The following PKHD1L1 variants were observed in gnomAD, a reference collection of about 807,000 sequenced individuals.
The protein encoded by PKHD1L1 is PKHD1 like 1, also known as fibrocystin-L.
PKHD1L1 carries 434 observed loss-of-function variants against 462.9 expected under a neutral mutation model. That is an observed-to-expected ratio of 0.94 (90% CI 0.87 to 1.02). PKHD1L1 has a LOEUF of 1.02. Ranked by LOEUF, PKHD1L1 falls within the 50% of genes least tolerant of loss-of-function variation. PKHD1L1 has a pLI of 0.00. For synonymous variants in PKHD1L1, 1,781 were observed against 1,750.0 expected (o/e 1.02, Z -0.44); for missense variants, 5,202 against 5,096.1 (o/e 1.02, Z -0.63).
chr8:109,407,477 A>T (rs1813617884), intron 17 of PKHD1L1, among the ~76,000 whole-genome samples: 1 of 152,164 alleles, frequency 6.6e-6, no homozygotes, highest in South Asian at 2.1e-4. Context: ...GGTCAAAAAG[A>T]TCAATGAGAT....
chr8:109,398,433 C>T (rs761502712), intron 11 of PKHD1L1, 26 bp from the exon 12 acceptor site: 3 of 1,365,930 alleles, frequency 2.2e-6, no homozygotes, highest in Admixed American at 3.9e-5. Context: ...TCAGTAGTAA[C>T]GGTTTTGTAT....
intron 25 of PKHD1L1, among the ~76,000 whole-genome samples, chr8:109,428,390 G>A (rs984444914): frequency 2.6e-5 from 4 of 152,098 alleles, no homozygotes; most frequent in African/African-American, 4.8e-5. Context: ...AAAGAAATTC[G>A]TGACTTAAAG....
intron 20 of PKHD1L1, among the ~76,000 whole-genome samples, 182 bp downstream of exon 20, chr8:109,412,596 G>T (rs966025142): frequency 2.6e-5 from 4 of 151,600 alleles, no homozygotes; most frequent in African/African-American, 7.3e-5. Context: ...CAAAATAATA[G>T]ATATATTCTA....
intron 70 of PKHD1L1, among the ~76,000 whole-genome samples, chr8:109,509,399 C>T (rs992863749): frequency 1.3e-5 from 2 of 151,788 alleles, no homozygotes; most frequent in Non-Finnish European, 2.9e-5. Context: ...GCAAGCAATA[C>T]AAGTTTTCCA....
chr8:109,479,533 T>C lies in PKHD1L1; in HGVS notation c.9090-18T>C, dbSNP rs762724704. The C allele has an allele frequency of 2.2e-5, 31 of 1,418,684 alleles. No individual in the cohort carries two copies. Among genetic ancestry groups the C allele is most frequent in the African/African-American group, 4.3e-5 (3 of 70,404 alleles). The allele number at this position is 1,418,684 out of a possible 1,614,324, so 87.9% of individuals were successfully genotyped here. ...TCACAAGTAGTAATTCATGGAAGTATTTCTCTTCTCTTTTCAGTTTATGGT... is the reference window on the plus strand; with the variant it reads ...TCACAAGTAGTAATTCATGGAAGTACTTCTCTTCTCTTTTCAGTTTATGGT... On this transcript the variant is annotated intron_variant, in intron 53 of 77. Transcript: ENST00000378402.
chr8:109,492,441 T>C (rs999766088), intron 62 of PKHD1L1, among the ~76,000 whole-genome samples: 1 of 151,872 alleles, frequency 6.6e-6, no homozygotes, highest in Admixed American at 6.6e-5. Flanking sequence ...TTTGTTGAGA[T>C]ATAGAGTAAG....
intron 14 of PKHD1L1, among the ~76,000 whole-genome samples, chr8:109,403,006 A>G (rs1253234202): frequency 6.6e-6 from 1 of 152,080 alleles, no homozygotes. Flanking sequence ...GGAGTTCTTG[A>G]TTAATCCCTA....
chr8:109,388,278 G>C (rs966901373), intron 6 of PKHD1L1, among the ~76,000 whole-genome samples: 1 of 152,056 alleles, frequency 6.6e-6, no homozygotes, highest in Non-Finnish European at 1.5e-5. Flanking sequence ...GGCAACAAAG[G>C]AACCTTTGTT....
chr8:109,403,768 A>T (rs959081726), intron 14 of PKHD1L1, among the ~76,000 whole-genome samples: 1 of 152,144 alleles, frequency 6.6e-6, no homozygotes, highest in Non-Finnish European at 1.5e-5. Flanking sequence ...TGAACTGTGG[A>T]TACTTATTCT....
intron 21 of PKHD1L1, among the ~76,000 whole-genome samples, chr8:109,414,080 A>G (rs1476615008): frequency 1.3e-5 from 2 of 152,170 alleles, no homozygotes; most frequent in Non-Finnish European, 2.9e-5. Context: ...AACACAATTT[A>G]GTTCTATATA....
rs1225428652 is a variant in PKHD1L1 at position 109,466,660 on chromosome 8, G to T, written c.8496G>T (p.Gly2832=). 6.8e-6 allele frequency: 11 copies of T among 1,611,176 alleles called. No individual in the cohort carries two copies. Among genetic ancestry groups the T allele is most frequent in the Admixed American group, 1.7e-5 (1 of 59,682 alleles). The change falls in exon 50 of 78, where the codon GGG becomes GGT. Residue 2832 remains glycine, a synonymous_variant. Coordinates refer to ENST00000378402, the MANE Select transcript of PKHD1L1 (RefSeq NM_177531.6). ...CTCAGGAAGCTGAGTGGAGCATTGGGTTCCCTGGATCAGTCTGTGATGCTT... is the reference window on the plus strand; with the variant it reads ...CTCAGGAAGCTGAGTGGAGCATTGGTTTCCCTGGATCAGTCTGTGATGCTT... The part of the protein sequence containing the change: ...HCTQEAEWSI[G]FPGSVCDASV...
intron 50 of PKHD1L1, among the ~76,000 whole-genome samples, chr8:109,474,410 C>G (rs556208360): frequency 3.2e-4 from 49 of 152,200 alleles, no homozygotes; most frequent in African/African-American, 1.2e-3. Flanking sequence ...TCTCTTGTGA[C>G]CAAAGCATTA....
At chr8:109,441,739 A>G (rs1157409369) in intron 34 of PKHD1L1, among the ~76,000 whole-genome samples, 1 of 152,008 alleles carries the variant, frequency 6.6e-6, no homozygotes, top group Non-Finnish European at 1.5e-5. Flanking sequence ...TAAGCAAACT[A>G]TTTATTGACT....
In PKHD1L1 at chr8:109,400,298, A is replaced by G; in HGVS notation, c.1235A>G (p.Asp412Gly). 1 of 1,613,474 alleles carries G rather than the reference A, an allele frequency of 6.2e-7. No individual in the cohort carries two copies. Among genetic ancestry groups the G allele is most frequent in the Non-Finnish European group, 8.5e-7 (1 of 1,179,554 alleles). Reference protein sequence around the residue: ...DVYRFYIKGDDRYAIYFSQTG... With the variant: ...DVYRFYIKGDGRYAIYFSQTG... ...TATAGATTCTACATCAAGGGTGATG[A>G]CCGTTATGCTATTTATTTTAGCCAG... The change falls in exon 13 of 78, where the codon GAC becomes GGC. Residue 412 changes from aspartate to glycine, a missense_variant. By Grantham distance (94) the Asp-to-Gly change is moderately conservative (BLOSUM62 -1). Around this residue, in one of 3 missense-constraint regions of PKHD1L1, gnomAD observed 4,497 missense variants for 4,336.8 expected, o/e 1.04. Transcript: ENST00000378402.
At chr8:109,391,677 G>A (rs192110862) in intron 9 of PKHD1L1, among the ~76,000 whole-genome samples, 1 of 152,218 alleles carries the variant, frequency 6.6e-6, no homozygotes, top group Non-Finnish European at 1.5e-5. Context: ...GAAAGATCCG[G>A]TAATTTCTTT....
chr8:109,450,662 C>T (rs1196866073), intron 40 of PKHD1L1, among the ~76,000 whole-genome samples: 1 of 152,130 alleles, frequency 6.6e-6, no homozygotes, highest in Admixed American at 6.5e-5. Flanking sequence ...TTCTTCCCTC[C>T]TTCCTGTTCT....
rs117834428 is a variant in PKHD1L1, at chr8:109,433,456, A to G, written c.3340+240A>G. Among the ~76,000 whole-genome samples the G allele has an allele frequency of 1.9e-3, 288 of 152,196 alleles. 5 individuals are homozygous for G. The East Asian group carries it at 0.049, about 26-fold the overall frequency. ...CTTTATCCCATAACAGTTTAATTTT[A>G]TCCTTTTTCCCCCCTTCATTTGGAG... On this transcript the variant is annotated intron_variant, in intron 28 of 77. Coordinates refer to ENST00000378402, the MANE Select transcript of PKHD1L1 (RefSeq NM_177531.6).
rs1820278908 is a variant in PKHD1L1 at position 109,516,539 on chromosome 8, T to C, written c.11689+1234T>C. Among the ~76,000 whole-genome samples, 4 of 152,216 alleles carry C rather than the reference T, an allele frequency of 2.6e-5. No individual in the cohort carries two copies. In the South Asian group the frequency reaches 8.3e-4, roughly 32 times the overall value. ...ATATCATCACCTTGAAGATTAGGGC[T>C]TCAACATGTAAAATTTGGGGACACA... On this transcript the variant is annotated intron_variant, in intron 72 of 77. Coordinates refer to ENST00000378402, the MANE Select transcript of PKHD1L1 (RefSeq NM_177531.6).
chr8:109,422,444 C>T (rs1814523001), intron 23 of PKHD1L1, among the ~76,000 whole-genome samples: 1 of 152,138 alleles, frequency 6.6e-6, no homozygotes, highest in Non-Finnish European at 1.5e-5. Context: ...AAGAATGCTA[C>T]AAAAATGGAA....
Sources: allele counts gnomAD v4.1 joint callset (sites outside exome capture counted in the v4.1 genomes callset), GRCh38; gene constraint gnomAD v4.1.1; regional missense constraint gnomAD v4.1.1; transcripts MANE v1.5; gene names NCBI Gene and HGNC (gene_info 2026-07-23, HGNC 2026-07-21).